STK32B: variants seen among roughly 807,000 people sequenced by gnomAD.
The protein encoded by STK32B is serine/threonine kinase 32B.
A neutral mutation model predicts 52.6 loss-of-function variants in STK32B; 43 were observed. The ratio of observed to expected loss-of-function variants is 0.82; its 90% confidence interval spans 0.64 to 1.05. The LOEUF is 1.05. Ranked by LOEUF, STK32B falls within the 50% of genes least tolerant of loss-of-function variation. The pLI is 0.00. For synonymous variants in STK32B, 238 were observed against 204.3 expected (o/e 1.17, Z -1.41); for missense variants, 621 against 534.6 (o/e 1.16, Z -1.59).
At chr4:5,485,843 G>A (rs1199374385) in intron 11 of STK32B, among the ~76,000 whole-genome samples, 1 of 152,208 alleles carries the variant, frequency 6.6e-6, no homozygotes, top group Non-Finnish European at 1.5e-5. Context: ...GGAGTTTGCT[G>A]GAGGTCCACT....
chr4:5,049,396 T>G (rs1047629729), upstream of STK32B, among the ~76,000 whole-genome samples: 24 of 152,176 alleles, frequency 1.6e-4, no homozygotes, highest in Non-Finnish European at 2.5e-4. Flanking sequence ...ACAGGCTTTG[T>G]GTGAGCAATA....
At chr4:5,492,060 G>A (rs866437823) in intron 11 of STK32B, among the ~76,000 whole-genome samples, 7 of 152,004 alleles carry the variant, frequency 4.6e-5, no homozygotes, top group Admixed American at 1.3e-4. Context: ...TTGGCAATGC[G>A]GGCTCTTTTT....
chr4:5,249,493 T>C (rs868047079), intron 3 of STK32B, among the ~76,000 whole-genome samples: 6,620 of 121,384 alleles, frequency 0.055, 263 homozygotes, highest in African/African-American at 0.15. Flanking sequence ...CTTCCTTCCT[T>C]CCTTCCTTCC....
intron 7 of STK32B, among the ~76,000 whole-genome samples, chr4:5,452,069 AG>A (rs1421753279): frequency 6.6e-6 from 1 of 152,174 alleles, no homozygotes; most frequent in Non-Finnish European, 1.5e-5. Flanking sequence ...TTAGCATGTA[AG>A]GCCTATGGGC....
intron 3 of STK32B, among the ~76,000 whole-genome samples, chr4:5,182,665 G>A (rs1241772715): frequency 6.6e-6 from 1 of 152,020 alleles, no homozygotes; most frequent in African/African-American, 2.4e-5. Context: ...CACCATGTTG[G>A]CCAGGCTGGT....
chr4:5,262,944 T>G (rs1215990726), intron 3 of STK32B, among the ~76,000 whole-genome samples: 2 of 152,208 alleles, frequency 1.3e-5, no homozygotes, highest in Non-Finnish European at 2.9e-5. Flanking sequence ...AACACCCACA[T>G]GGAAGAAGAC....
At chr4:5,180,300 T>C (rs1226664233) in intron 3 of STK32B, among the ~76,000 whole-genome samples, 1 of 152,244 alleles carries the variant, frequency 6.6e-6, no homozygotes, top group Non-Finnish European at 1.5e-5. Context: ...GGCTGGCCAC[T>C]AACATCTCCT....
intron 3 of STK32B, among the ~76,000 whole-genome samples, chr4:5,248,527 A>T (rs118166005): frequency 6.6e-6 from 1 of 152,174 alleles, no homozygotes; most frequent in Non-Finnish European, 1.5e-5. Context: ...ATGTTAGTCA[A>T]ATTTGACACC....
At chr4:5,057,226 T>A (rs961246507) in intron 1 of STK32B, among the ~76,000 whole-genome samples, 16 of 152,234 alleles carry the variant, frequency 1.1e-4, no homozygotes, top group African/African-American at 3.1e-4. Flanking sequence ...AGTAAGGTCA[T>A]TGGAGACTAT....
rs1244808137 is a variant in STK32B at position 5,400,706 on chromosome 4, G to T, written c.472+2462G>T. Among the ~76,000 whole-genome samples, 1 of 152,202 alleles carries T rather than the reference G, an allele frequency of 6.6e-6. No homozygotes were observed. The highest frequency in any genetic ancestry group is 1.5e-5 in the Non-Finnish European group (1 of 68,032). On this transcript the variant is annotated intron_variant, in intron 5 of 11. Coordinates refer to ENST00000282908, the MANE Select transcript of STK32B (RefSeq NM_018401.3). The surrounding 1 kb of genome is among the most constrained non-coding windows in gnomAD (Gnocchi z 6.1). ...TTTCTGGGGAGAGAAGAGAAAGAGA[G>T]AATTCTATGCCCATGGCCCTCCTTT...
chr4:5,173,398 C>T (rs150176051), intron 3 of STK32B, among the ~76,000 whole-genome samples: 1 of 151,628 alleles, frequency 6.6e-6, no homozygotes, highest in African/African-American at 2.4e-5. Context: ...GTGATGTTAG[C>T]GTGTCAATTT....
At chr4:5,445,139 G>T (rs1715270806) in intron 6 of STK32B, among the ~76,000 whole-genome samples, 1 of 152,180 alleles carries the variant, frequency 6.6e-6, no homozygotes, top group Non-Finnish European at 1.5e-5. Flanking sequence ...GGAGGCTGTT[G>T]TGAAGAGGAA....
chr4:5,372,722 G>GGC (rs1276853387), intron 4 of STK32B, among the ~76,000 whole-genome samples: 1 of 97,216 alleles, frequency 1.0e-5, no homozygotes, highest in African/African-American at 3.5e-5. Context: ...GAGAAAGTTG[G>GGC]GGGGGGGGGC....
rs2109018876 is a variant in STK32B at position 5,376,730 on chromosome 4, C to T, written c.435-21477C>T. 2.0e-5 allele frequency among the ~76,000 whole-genome samples: 3 copies of T among 152,254 alleles called. No individual in the cohort carries two copies. The South Asian group carries it at 6.2e-4, about 32-fold the overall frequency. On this transcript the variant is annotated intron_variant, in intron 4 of 11. Coordinates refer to ENST00000282908, the MANE Select transcript of STK32B (RefSeq NM_018401.3). ...TCGTTGGTCAGACTTCGTGTCCACA[C>T]CTCCACCCCGCACTCTCCAATGCCA...
chr4:5,181,057 G>C (rs933861033), intron 3 of STK32B, among the ~76,000 whole-genome samples: 1 of 152,120 alleles, frequency 6.6e-6, no homozygotes, highest in African/African-American at 2.4e-5. Flanking sequence ...GAAAGGTGAG[G>C]GGAGAGAAAA....
chr4:5,258,131 C>CG (rs1388928403), intron 3 of STK32B, among the ~76,000 whole-genome samples: 1 of 151,952 alleles, frequency 6.6e-6, no homozygotes, highest in Non-Finnish European at 1.5e-5. Context: ...CAGCACCTAG[C>CG]GGATAGTCAG....
Position 5,159,699 on chromosome 4 carries a change from ATATATGAATATATATATGAATG to A in STK32B, c.109-8578_109-8557del, listed in dbSNP as rs1198983023. 3.7e-4 allele frequency among the ~76,000 whole-genome samples: 42 copies of A among 112,996 alleles called. 2 individuals are homozygous for A. The highest frequency in any genetic ancestry group is 5.6e-4 in the Non-Finnish European group (34 of 60,630). 74.1% of individuals were successfully genotyped at this position (112,996 alleles called of 152,430 possible). ...AATATATATATGAATATATATGAAT[ATATATGAATATATATATGAATG>A]TATATGAATATATATATGAATATAT... On this transcript the variant is annotated intron_variant, in intron 2 of 11. Coordinates refer to ENST00000282908, the MANE Select transcript of STK32B (RefSeq NM_018401.3).
rs1415959880 is a variant in STK32B, at chr4:5,159,726, TGA to T, written c.109-8572_109-8571del. Reference sequence around the variant, plus strand: ...ATATGAATATATATATGAATGTATATGAATATATATATGAATATATGAATGTA... The same window carrying T: ...ATATGAATATATATATGAATGTATATATATATATATGAATATATGAATGTA... On this transcript the variant is annotated intron_variant, in intron 2 of 11. Coordinates refer to ENST00000282908, the MANE Select transcript of STK32B (RefSeq NM_018401.3). Among the ~76,000 whole-genome samples the T allele has an allele frequency of 8.7e-4, 107 of 122,476 alleles. 13 individuals are homozygous for T. The highest frequency in any genetic ancestry group is 3.5e-3 in the African/African-American group (90 of 25,790). The allele number at this position is 122,476 out of a possible 152,430, so 80.3% of individuals were successfully genotyped here.
intron 3 of STK32B, among the ~76,000 whole-genome samples, chr4:5,243,147 G>A (rs1236831109): frequency 6.6e-6 from 1 of 152,092 alleles, no homozygotes; most frequent in African/African-American, 2.4e-5. Flanking sequence ...GGATGGCATT[G>A]AATCTATAAA....
Sources: gnomAD v4.1 joint callset for allele counts (sites outside exome capture counted in the v4.1 genomes callset) on GRCh38, gnomAD v4.1.1 for gene constraint, Gnocchi (gnomAD v3.1) non-coding constraint, MANE v1.5 for transcripts, NCBI Gene and HGNC (gene_info 2026-07-23, HGNC 2026-07-21) for gene names.